Variants in SERP2 observed in about 807,000 individuals in gnomAD.
SERP2 encodes the protein stress-associated endoplasmic reticulum protein 2.
Under a neutral mutation model 9.1 loss-of-function variants are expected in SERP2, and 6 were observed. That is an observed-to-expected ratio of 0.66 (90% confidence interval 0.36 to 1.30). SERP2 has a LOEUF of 1.30. Among genes scored for constraint, SERP2 ranks in the 50% most tolerant of loss-of-function variants. The pLI, the probability that SERP2 is intolerant of heterozygous loss-of-function variation, is 0.03. For synonymous variants in SERP2, 37 were observed against 27.3 expected (o/e 1.35, Z -1.10); for missense variants, 58 against 81.9 (o/e 0.71, Z 1.13).
chr13:44,378,166 A>G (rs2138778793), intron 1 of SERP2, among the ~76,000 whole-genome samples: 1 of 152,360 alleles, frequency 6.6e-6, no homozygotes, highest in Middle Eastern at 3.4e-3. Flanking sequence ...TTACATTTAC[A>G]TTAGCCTAGA....
At chr13:44,380,431 A>G (rs1254514161) in intron 2 of SERP2, among the ~76,000 whole-genome samples, 1 of 152,166 alleles carries the variant, frequency 6.6e-6, no homozygotes. Context: ...GGGAGGCAGA[A>G]GGTCCACATC....
chr13:44,384,150 T>C (rs1344006914), intron 2 of SERP2, among the ~76,000 whole-genome samples: 1 of 152,180 alleles, frequency 6.6e-6, no homozygotes, highest in Non-Finnish European at 1.5e-5. Flanking sequence ...TCCTTGGTAC[T>C]GTGCCCTTCC....
chr13:44,378,875 C>T (rs1404401445), intron 1 of SERP2, among the ~76,000 whole-genome samples: 1 of 152,180 alleles, frequency 6.6e-6, no homozygotes, highest in Non-Finnish European at 1.5e-5. Flanking sequence ...TTCATTCATG[C>T]AGTTTTGACA....
At chr13:44,381,496 C>T (rs1419385833) in intron 2 of SERP2, among the ~76,000 whole-genome samples, 1 of 152,114 alleles carries the variant, frequency 6.6e-6, no homozygotes, top group Non-Finnish European at 1.5e-5. Flanking sequence ...GAGCCGAGAT[C>T]GTGCCACTGT....
In SERP2 at chr13:44,373,866, G is replaced by C. The variant is rs1871452737; in HGVS notation, c.-160G>C. On this transcript the variant is annotated 5_prime_UTR_variant, in exon 1 of 3. Transcript: ENST00000379179. The surrounding 1 kb of genome is among the most constrained non-coding windows in gnomAD (Gnocchi z 4.8). ...GGCCTCTCTCTGGAGTCGGCTAGCCGGGGCTCGGGGAGCGGGGTGCGCAGG... is the reference window on the plus strand; with the variant it reads ...GGCCTCTCTCTGGAGTCGGCTAGCCCGGGCTCGGGGAGCGGGGTGCGCAGG... 1 of 572,860 alleles carries C rather than the reference G, an allele frequency of 1.7e-6. No homozygotes were observed. Among genetic ancestry groups the C allele is most frequent in the Admixed American group, 4.1e-5 (1 of 24,534 alleles). The allele number at this position is 572,860 out of a possible 1,614,324, so 35.5% of individuals were successfully genotyped here.
chr13:44,390,296 T>TCTCC, intron 2 of SERP2: 1 of 188,776 alleles, frequency 5.3e-6, no homozygotes, highest in Non-Finnish European at 1.1e-5. Flanking sequence ...GCCACCGGTG[T>TCTCC]CCCCACCCAC....
intron 2 of SERP2, among the ~76,000 whole-genome samples, chr13:44,395,056 A>C (rs1802619422): frequency 6.6e-6 from 1 of 152,238 alleles, no homozygotes; most frequent in African/African-American, 2.4e-5. Flanking sequence ...TTTCTGCTCT[A>C]AAGTCAACTT....
At chr13:44,376,246 C>T (rs1282958226) in intron 1 of SERP2, among the ~76,000 whole-genome samples, 1 of 152,198 alleles carries the variant, frequency 6.6e-6, no homozygotes, top group East Asian at 1.9e-4. Flanking sequence ...TCCTAAATCT[C>T]ATGTTCTCAA....
chr13:44,397,304 G>A lies in SERP2; in HGVS notation c.190G>A (p.Gly64Ser). ...TCAGATCATTCAGAGCATAAGGATG[G>A]GCATGTGAGAAAGCCAGGGATTTGA... ...IFQIIQSIRMGM is the reference protein window; with the variant it reads ...IFQIIQSIRMSM Residue 64 changes from glycine to serine, a missense_variant, in exon 3 of 3, where the codon GGC (glycine) becomes AGC (serine). Physicochemically the swap from Gly to Ser is moderately conservative, Grantham distance 56 (BLOSUM62 0). Coordinates refer to ENST00000379179, the MANE Select transcript of SERP2 (RefSeq NM_001010897.3). 1 of 1,613,404 alleles carries A rather than the reference G, an allele frequency of 6.2e-7. No homozygotes were observed. The highest frequency in any genetic ancestry group is 8.5e-7 in the Non-Finnish European group (1 of 1,179,426).
At chr13:44,377,324 A>T (rs908310826) in intron 1 of SERP2, among the ~76,000 whole-genome samples, 20 of 152,288 alleles carry the variant, frequency 1.3e-4, no homozygotes, top group African/African-American at 4.6e-4. Flanking sequence ...GATAAAATGA[A>T]TTTTTTTATA....
At chr13:44,377,676 T>G (rs1253284783) in intron 1 of SERP2, among the ~76,000 whole-genome samples, 1 of 152,236 alleles carries the variant, frequency 6.6e-6, no homozygotes, top group African/African-American at 2.4e-5. Context: ...TACCTGCCGT[T>G]GACACTTTAA....
intron 2 of SERP2, among the ~76,000 whole-genome samples, chr13:44,393,951 C>G (rs1228821402): frequency 6.6e-6 from 1 of 152,100 alleles, no homozygotes; most frequent in Non-Finnish European, 1.5e-5. Context: ...GTAGTGTCTC[C>G]AAGAAGGTTC....
chr13:44,379,860 T>C, intron 2 of SERP2, 147 bp downstream of exon 2: 1 of 582,034 alleles, frequency 1.7e-6, no homozygotes, highest in East Asian at 2.8e-5. Flanking sequence ...TAATGGGTTT[T>C]GATTTAGTTT....
intron 1 of SERP2, 110 bp downstream of exon 1, chr13:44,374,219 C>G: frequency 1.4e-6 from 1 of 705,866 alleles, no homozygotes; most frequent in Non-Finnish European, 2.1e-6. Context: ...CCTCCCGGCT[C>G]CCGGCCCGCC....
At chr13:44,378,154 GTTTACA>G (rs1871767928) in intron 1 of SERP2, among the ~76,000 whole-genome samples, 1 of 152,164 alleles carries the variant, frequency 6.6e-6, no homozygotes, top group Non-Finnish European at 1.5e-5. Flanking sequence ...TGAGAAGCCA[GTTTACA>G]TTTACATTAG....
intron 1 of SERP2, among the ~76,000 whole-genome samples, chr13:44,377,770 A>G (rs919554900): frequency 6.6e-5 from 10 of 152,268 alleles, no homozygotes; most frequent in Admixed American, 3.3e-4. Context: ...TCCTTCCTAG[A>G]ACCTGTGTTT....
chr13:44,373,924 C>A lies in SERP2; in HGVS notation c.-102C>A. 2 of 1,127,148 alleles carry A rather than the reference C, an allele frequency of 1.8e-6. No individual in the cohort carries two copies. Among genetic ancestry groups the A allele is most frequent in the Non-Finnish European group, 2.6e-6 (2 of 783,786 alleles). The allele number at this position is 1,127,148 out of a possible 1,614,324, so 69.8% of individuals were successfully genotyped here. On this transcript the variant is annotated 5_prime_UTR_variant, in exon 1 of 3. Transcript: ENST00000379179. This position sits in a 1 kb window ranked among gnomAD's most constrained non-coding sequence, Gnocchi z 4.8. Reference sequence around the variant, plus strand: ...GCCACGCCTTGCCACCTGCAGCGCCCGGGTGGGCCGCGGGGGCCTCGGCGG... The same window carrying A: ...GCCACGCCTTGCCACCTGCAGCGCCAGGGTGGGCCGCGGGGGCCTCGGCGG...
rs768700403 is a variant in SERP2 at position 44,397,393 on chromosome 13, ACAAG to A, written c.*84_*87del. On this transcript the variant is annotated 3_prime_UTR_variant, in exon 3 of 3. Coordinates refer to ENST00000379179, the MANE Select transcript of SERP2 (RefSeq NM_001010897.3). ...AGCGGTCAGCCAGTTTCTGCGGGAA[ACAAG>A]CAGGCCACACGGAATAGAAAAAAAC... 13 of 1,093,880 alleles carry A rather than the reference ACAAG, an allele frequency of 1.2e-5. No homozygotes were observed. The highest frequency in any genetic ancestry group is 4.7e-5 in the East Asian group (2 of 42,552). 67.8% of individuals were successfully genotyped at this position (1,093,880 alleles called of 1,614,324 possible). A position where few individuals can be genotyped will look rare whatever the true frequency, so the allele number is the denominator to read the frequency against.
intron 1 of SERP2, among the ~76,000 whole-genome samples, chr13:44,378,348 TTGA>T (rs1871778086): frequency 6.6e-6 from 1 of 152,238 alleles, no homozygotes; most frequent in Non-Finnish European, 1.5e-5. Context: ...ACTTACATCC[TTGA>T]TGATAGCACC....
Sources: allele counts gnomAD v4.1 joint callset (sites outside exome capture counted in the v4.1 genomes callset), GRCh38; gene constraint gnomAD v4.1.1; non-coding constraint Gnocchi (gnomAD v3.1); transcripts MANE v1.5; gene names NCBI Gene and HGNC (gene_info 2026-07-23, HGNC 2026-07-21).